TBL1XR1: variants seen among roughly 807,000 people sequenced by gnomAD.
The protein encoded by TBL1XR1 is TBL1X/Y related 1.
In TBL1XR1, 5 loss-of-function variants were observed where a neutral mutation model predicts 66.9. That is an observed-to-expected ratio of 0.07 (90% CI 0.04 to 0.16). The LOEUF is 0.16. Among genes scored for constraint, TBL1XR1 ranks in the 10% least tolerant of loss-of-function variants. The pLI is 1.00. For synonymous variants in TBL1XR1, 210 were observed against 206.0 expected (o/e 1.02, Z -0.17); for missense variants, 238 against 623.2 (o/e 0.38, Z 6.58).
At chr3:177,059,351 A>G (rs1278634416) in intron 3 of TBL1XR1, among the ~76,000 whole-genome samples, 1 of 152,224 alleles carries the variant, frequency 6.6e-6, no homozygotes, top group Non-Finnish European at 1.5e-5. Flanking sequence ...AACTGCTACA[A>G]TGAAACAAAA....
rs752675721 is a variant in TBL1XR1 at position 177,038,309 on chromosome 3, T to C, written c.1047+4A>G. 7 of 1,595,472 alleles carry C rather than the reference T, an allele frequency of 4.4e-6. No homozygotes were observed. The highest frequency in any genetic ancestry group is 6.0e-6 in the Non-Finnish European group (7 of 1,169,936). ...CACTTTAATGTGGAAAAAAGGTTTC[T>C]TACCGTATGTCCTTGGAATGTTTTA... is the stretch of plus-strand genomic sequence containing the variant. On this transcript the variant is annotated splice_donor_region_variant and intron_variant, in intron 11 of 15. Coordinates refer to ENST00000457928, the MANE Select transcript of TBL1XR1 (RefSeq NM_024665.7).
chr3:177,114,058 TC>T (rs1725982736), intron 1 of TBL1XR1, among the ~76,000 whole-genome samples: 1 of 152,062 alleles, frequency 6.6e-6, no homozygotes, highest in South Asian at 2.1e-4. Context: ...CTTCAAGAGA[TC>T]AATTATACAG....
chr3:177,053,628 T>C, intron 4 of TBL1XR1, 145 bp downstream of exon 4: 1 of 741,964 alleles, frequency 1.3e-6, no homozygotes, highest in Non-Finnish European at 2.2e-6. Context: ...CGGTGCAACC[T>C]GACTACCACA....
chr3:177,093,508 T>C (rs530388703), intron 2 of TBL1XR1, among the ~76,000 whole-genome samples: 15 of 152,234 alleles, frequency 9.9e-5, no homozygotes, highest in African/African-American at 3.1e-4. Context: ...AGAGCCCACA[T>C]AGCCAAAGCA....
chr3:177,097,494 A>G (rs1176337464), intron 2 of TBL1XR1, among the ~76,000 whole-genome samples: 1 of 152,184 alleles, frequency 6.6e-6, no homozygotes, highest in African/African-American at 2.4e-5. Context: ...AGTACTGCCA[A>G]AAGTCAAAGA....
chr3:177,198,038 G>A (rs1213711243), upstream of TBL1XR1, among the ~76,000 whole-genome samples: 1 of 151,928 alleles, frequency 6.6e-6, no homozygotes, highest in East Asian at 1.9e-4. Flanking sequence ...GGGCGCACAC[G>A]CGGCGGGCAT....
chr3:177,070,034 A>T (rs1229986101), intron 2 of TBL1XR1, among the ~76,000 whole-genome samples: 1 of 152,220 alleles, frequency 6.6e-6, no homozygotes, highest in Non-Finnish European at 1.5e-5. Flanking sequence ...TTTTTTAAAA[A>T]ACAGAATATT....
intron 3 of TBL1XR1, among the ~76,000 whole-genome samples, chr3:177,055,385 CACA>C (rs1717666778): frequency 6.6e-6 from 1 of 152,090 alleles, no homozygotes; most frequent in Admixed American, 6.5e-5. Flanking sequence ...TCATTATGCT[CACA>C]ACATCTAACC....
rs1200112320 is a variant in TBL1XR1, at chr3:177,128,753, A to G, written c.-121-30212T>C. Among the ~76,000 whole-genome samples, 3 of 152,220 alleles carry G rather than the reference A, an allele frequency of 2.0e-5. No homozygotes were observed. The East Asian group carries it at 5.8e-4, about 29-fold the overall frequency. On this transcript the variant is annotated intron_variant, in intron 1 of 15. Transcript: ENST00000457928. ...TGGGGAAATTTCTTGGGGCATTTTC[A>G]CACAACTCTCTAAAGCTTCTAACAT...
intron 1 of TBL1XR1, among the ~76,000 whole-genome samples, chr3:177,156,924 T>C (rs987788492): frequency 6.6e-6 from 1 of 152,182 alleles, no homozygotes; most frequent in Non-Finnish European, 1.5e-5. Flanking sequence ...CTTTCTACTC[T>C]TGCTAGATGA....
chr3:177,071,099 C>A (rs867947048), intron 2 of TBL1XR1, among the ~76,000 whole-genome samples: 1 of 135,652 alleles, frequency 7.4e-6, no homozygotes, highest in Non-Finnish European at 1.5e-5. Flanking sequence ...GGTGCGATCT[C>A]GGCTCACTGC....
intron 2 of TBL1XR1, among the ~76,000 whole-genome samples, chr3:177,065,919 T>TA (rs1226343571): frequency 6.6e-6 from 1 of 152,214 alleles, no homozygotes; most frequent in African/African-American, 2.4e-5. Context: ...CATTGTATCA[T>TA]AAAGTATTAT....
At position 177,023,976 on chromosome 3, in the gene TBL1XR1, C is replaced by T. The variant is rs1440274104; in HGVS notation, c.*1522G>A. On this transcript the variant is annotated 3_prime_UTR_variant, in exon 16 of 16. Coordinates refer to ENST00000457928, the MANE Select transcript of TBL1XR1 (RefSeq NM_024665.7). ...TATTAGTCACACATATAAACATGGC[C>T]TCATGCAATCATTTGTCTGTATATG... is the stretch of plus-strand genomic sequence containing the variant. 6.6e-6 allele frequency: 1 copy of T among 151,854 alleles called. No individual in the cohort carries two copies. Among genetic ancestry groups the T allele is most frequent in the Admixed American group, 6.6e-5 (1 of 15,238 alleles). 9.4% of individuals were successfully genotyped at this position (151,854 alleles called of 1,614,324 possible).
At chr3:177,192,255 G>A (rs779532704) in intron 1 of TBL1XR1, among the ~76,000 whole-genome samples, 2 of 151,842 alleles carry the variant, frequency 1.3e-5, no homozygotes, top group East Asian at 1.9e-4. Flanking sequence ...GCGTGGTGGC[G>A]CATGCCTATA....
intron 1 of TBL1XR1, among the ~76,000 whole-genome samples, chr3:177,172,631 A>AG (rs1451915645): frequency 2.5e-4 from 22 of 87,210 alleles, no homozygotes; most frequent in Admixed American, 1.4e-3. Context: ...CAAGAAAGAG[A>AG]GAAGAGAGAG....
chr3:177,153,990 T>G (rs1731205359), intron 1 of TBL1XR1, among the ~76,000 whole-genome samples: 1 of 145,610 alleles, frequency 6.9e-6, no homozygotes, highest in Non-Finnish European at 1.5e-5. Flanking sequence ...AATTACTAAA[T>G]CAAGGCGCCA....
At position 177,144,270 on chromosome 3, in the gene TBL1XR1, T is replaced by C. The variant is rs1237801240; in HGVS notation, c.-121-45729A>G. ...TCAAAAAAAAACACAAAGTGACATA[T>C]TCACAGCATAAATTTTTGACTCATG... On this transcript the variant is annotated intron_variant, in intron 1 of 15. Transcript: ENST00000457928. 2.6e-5 allele frequency among the ~76,000 whole-genome samples: 4 copies of C among 151,704 alleles called. No homozygotes were observed. The East Asian group carries it at 7.9e-4, about 30-fold the overall frequency.
chr3:177,133,147 C>T (rs569015717), intron 1 of TBL1XR1, among the ~76,000 whole-genome samples: 4 of 152,022 alleles, frequency 2.6e-5, no homozygotes, highest in Non-Finnish European at 4.4e-5. Flanking sequence ...ACTAGCCGGG[C>T]ATGGTGGCGC....
chr3:177,086,418 T>G (rs11929441), intron 2 of TBL1XR1, among the ~76,000 whole-genome samples: 2,547 of 151,416 alleles, frequency 0.017, 81 homozygotes, highest in African/African-American at 0.059. Flanking sequence ...CATGAAACGG[T>G]GGGGGAGGGG....
Sources: allele counts gnomAD v4.1 joint callset (sites outside exome capture counted in the v4.1 genomes callset), GRCh38; gene constraint gnomAD v4.1.1; transcripts MANE v1.5; gene names NCBI Gene and HGNC (gene_info 2026-07-23, HGNC 2026-07-21).